STS: variants seen among roughly 807,000 people sequenced by gnomAD.
The protein encoded by STS is steroid sulfatase.
In STS, 7 loss-of-function variants were observed where a neutral mutation model predicts 26.8. The observed-to-expected ratio is 0.26, with a 90% confidence interval of 0.15 to 0.49. STS has a LOEUF of 0.49. Among genes scored for constraint, STS ranks in the 20% least tolerant of loss-of-function variants. STS has a pLI of 0.98. For synonymous variants in STS, 199 were observed against 189.4 expected (o/e 1.05, Z -0.42); for missense variants, 434 against 465.6 (o/e 0.93, Z 0.63).
chrX:7,223,654 A>G (rs5979194), intron 2 of STS, among the ~76,000 whole-genome samples: 1,450 of 110,095 alleles, frequency 0.013, 24 homozygotes, highest in African/African-American at 0.045. Context: ...GATTCTAGAT[A>G]TTAGCACTTT....
chrX:7,325,403 G>T lies in STS; in HGVS notation c.1146G>T (p.Val382=), dbSNP rs1421965250. Reference sequence around the variant, plus strand: ...CAGGCATCCTTCGTTGGCCCAGGGTGATACAGGCTGGCCAGAAGATTGATG... The same window carrying T: ...CAGGCATCCTTCGTTGGCCCAGGGTTATACAGGCTGGCCAGAAGATTGATG... The part of the protein sequence containing the change: ...RVPGILRWPR[V]IQAGQKIDEP... Residue 382 remains valine (V), a synonymous_variant, in exon 9 of 11, where the codon GTG becomes GTT. Coordinates refer to ENST00000674429, the MANE Select transcript of STS (RefSeq NM_001320752.2). The T allele has an allele frequency of 2.5e-6, 3 of 1,209,436 alleles. No individual in the cohort carries two copies. Among genetic ancestry groups the T allele is most frequent in the African/African-American group, 3.5e-5 (2 of 57,060 alleles).
At chrX:7,205,517 G>C (rs369856715) in intron 2 of STS, among the ~76,000 whole-genome samples, 9 of 111,989 alleles carry the variant, frequency 8.0e-5, no homozygotes, top group African/African-American at 1.9e-4. Flanking sequence ...ACTTTATTCA[G>C]GGGCCAATGC....
intron 2 of STS, among the ~76,000 whole-genome samples, chrX:7,227,509 T>C (rs766229312): frequency 1.8e-5 from 2 of 108,909 alleles, no homozygotes; most frequent in African/African-American, 6.7e-5. Context: ...AATATGCTAG[T>C]TTGAGAGTTT....
At position 7,296,177 on chromosome X, in the gene STS, G is replaced by T. The variant is rs1239701962; in HGVS notation, c.944-8869G>T. On this transcript the variant is annotated intron_variant, in intron 7 of 10. Transcript: ENST00000674429. The stretch of plus-strand genomic sequence containing the variant: ...GGATATTGCTGGAGAAGTTCTGGCT[G>T]ATCTGTGTCCAGAGCTTTGCATTGA... 4.5e-5 allele frequency among the ~76,000 whole-genome samples: 5 copies of T among 111,547 alleles called. No homozygotes were observed. In the East Asian group the frequency reaches 1.4e-3, roughly 32 times the overall value.
chrX:7,283,554 C>T (rs1924979570), intron 7 of STS, among the ~76,000 whole-genome samples: 1 of 111,349 alleles, frequency 9.0e-6, no homozygotes. Context: ...GGATGACTTA[C>T]CAGGCTTTGT....
At chrX:7,235,612 A>T (rs1038666615) in intron 2 of STS, among the ~76,000 whole-genome samples, 1 of 111,421 alleles carries the variant, frequency 9.0e-6, no homozygotes, top group African/African-American at 3.3e-5. Context: ...CTTTACAAAA[A>T]TTTTTTAAAA....
At chrX:7,314,144 C>T (rs1257141767) in intron 8 of STS, among the ~76,000 whole-genome samples, 1 of 111,581 alleles carries the variant, frequency 9.0e-6, no homozygotes, top group African/African-American at 3.3e-5. Context: ...CGCTTGAGCC[C>T]AGGAGTTCGA....
chrX:7,201,901 C>A (rs1934080065), intron 2 of STS, among the ~76,000 whole-genome samples: 1 of 110,847 alleles, frequency 9.0e-6, no homozygotes, highest in African/African-American at 3.3e-5. Flanking sequence ...GCCACCTGTT[C>A]TGTTTTCTAA....
chrX:7,299,649 G>A, intron 7 of STS, among the ~76,000 whole-genome samples: 1 of 110,465 alleles, frequency 9.1e-6, no homozygotes, highest in Non-Finnish European at 1.9e-5. Flanking sequence ...GAACTAAAAT[G>A]ACAAGGATTT....
chrX:7,204,495 TCCTCCCTCCCTCCTTTCCTCCCTTCCTC>T lies in STS; in HGVS notation c.-5+13501_-5+13528del, dbSNP rs1352475661. ...TTCTTTCCTTCCTCCCTCCCTTCCT[TCCTCCCTCCCTCCTTTCCTCCCTTCCTC>T]CCTCCCTCCCTCCCTCCTTTCCTCC... On this transcript the variant is annotated intron_variant, in intron 2 of 10. Coordinates refer to ENST00000674429, the MANE Select transcript of STS (RefSeq NM_001320752.2). Among the ~76,000 whole-genome samples, 59 of 100,476 alleles carry T rather than the reference TCCTCCCTCCCTCCTTTCCTCCCTTCCTC, an allele frequency of 5.9e-4. 1 individual carries two copies. The East Asian group carries it at 0.015, about 26-fold the overall frequency. 87.3% of individuals were successfully genotyped at this position (100,476 alleles called of 115,157 possible). A position where few individuals can be genotyped will look rare whatever the true frequency, so the allele number is the denominator to read the frequency against.
intron 3 of STS, among the ~76,000 whole-genome samples, chrX:7,253,914 C>T (rs1923270647): frequency 8.9e-6 from 1 of 112,530 alleles, no homozygotes; most frequent in South Asian, 3.6e-4. Flanking sequence ...AGCCCAAGAT[C>T]AAGGCATAGC....
At chrX:7,212,833 A>G (rs1921090410) in intron 2 of STS, among the ~76,000 whole-genome samples, 1 of 112,317 alleles carries the variant, frequency 8.9e-6, no homozygotes, top group Admixed American at 9.4e-5. Flanking sequence ...TGTGTCTACA[A>G]ATGCAGTTCC....
At chrX:7,233,504 C>A (rs1178074594) in intron 2 of STS, among the ~76,000 whole-genome samples, 1 of 111,584 alleles carries the variant, frequency 9.0e-6, no homozygotes, top group Non-Finnish European at 1.9e-5. Flanking sequence ...AGTCTCCATA[C>A]GGTTTTTTAT....
intron 1 of STS, among the ~76,000 whole-genome samples, chrX:7,157,947 T>C (rs756073435): frequency 2.4e-4 from 27 of 112,228 alleles, no homozygotes; most frequent in African/African-American, 8.1e-4. Flanking sequence ...GAATTTTCCA[T>C]GTAGATAACC....
At chrX:7,349,145 CT>C (rs200409187) in intron 10 of STS, among the ~76,000 whole-genome samples, 946 of 80,562 alleles carry the variant, frequency 0.012, 9 homozygotes, top group East Asian at 0.036. Context: ...CCACACCCAG[CT>C]TTTTTTTTTT....
rs1009581288 is a variant in STS, at chrX:7,352,052, C to T, written c.*1791C>T. On this transcript the variant is annotated 3_prime_UTR_variant, in exon 11 of 11. Coordinates refer to ENST00000674429, the MANE Select transcript of STS (RefSeq NM_001320752.2). ...TCCTTTTAACTTGGATTTCTCGTTC[C>T]AGAAATTGTGGGATAATCTGTATTC... 1 of 110,773 alleles carries T rather than the reference C, an allele frequency of 9.0e-6. No individual in the cohort carries two copies. Among genetic ancestry groups the T allele is most frequent in the East Asian group, 2.8e-4 (1 of 3,550 alleles). 9.1% of individuals were successfully genotyped at this position (110,773 alleles called of 1,213,427 possible).
chrX:7,296,376 C>T (rs1237081502), intron 7 of STS, among the ~76,000 whole-genome samples: 1 of 112,275 alleles, frequency 8.9e-6, no homozygotes, highest in Non-Finnish European at 1.9e-5. Flanking sequence ...AATACAATGG[C>T]ATTGCTGGAT....
rs776709303 is a variant in STS at position 7,349,889 on chromosome X, C to T, written c.1365C>T (p.Ser455=). ...CGTTTCCATCCTTTTAAACCACAGG[C>T]ACATCCATCTGGAAGGCCTTTTTCT... The part of the protein sequence containing the change: ...LNAVRWHPQN[S]TSIWKAFFFT... Residue 455 remains serine (S), a splice_region_variant and synonymous_variant, in exon 11 of 11, where the codon AGC becomes AGT. Transcript: ENST00000674429. The T allele has an allele frequency of 3.3e-6, 4 of 1,210,139 alleles. No homozygotes were observed. The highest frequency in any genetic ancestry group is 3.4e-6 in the Non-Finnish European group (3 of 895,221).
chrX:7,341,246 C>T (rs1434381723), intron 10 of STS, among the ~76,000 whole-genome samples: 1 of 111,629 alleles, frequency 9.0e-6, no homozygotes, highest in Non-Finnish European at 1.9e-5. Flanking sequence ...TTCTTTTACT[C>T]ACAATTATAA....
Sources: gnomAD v4.1 joint callset for allele counts (sites outside exome capture counted in the v4.1 genomes callset) on GRCh38, gnomAD v4.1.1 for gene constraint, MANE v1.5 for transcripts, NCBI Gene and HGNC (gene_info 2026-07-23, HGNC 2026-07-21) for gene names.